THSD7A: variants seen among roughly 807,000 people sequenced by gnomAD.
THSD7A encodes the protein thrombospondin type 1 domain containing 7A.
A neutral mutation model predicts 231.3 loss-of-function variants in THSD7A; 96 were observed. The ratio of observed to expected loss-of-function variants is 0.41; its 90% CI spans 0.35 to 0.49. The LOEUF (loss-of-function observed/expected upper bound fraction) is 0.49. Ranked by LOEUF, THSD7A falls within the 20% of genes least tolerant of loss-of-function variation. THSD7A has a pLI of 0.05. For synonymous variants in THSD7A, 940 were observed against 743.3 expected, an observed-to-expected ratio of 1.26 and a Z score of -4.30; for missense variants, 2,290 against 2,070.2, an observed-to-expected ratio of 1.11 and a Z score of -2.06.
intron 1 of THSD7A, among the ~76,000 whole-genome samples, chr7:11,668,547 A>G (rs905092382): frequency 6.6e-6 from 1 of 151,948 alleles, no homozygotes; most frequent in Non-Finnish European, 1.5e-5. Context: ...GAAAGAGAAG[A>G]AAGAAAGGGA....
At chr7:11,396,882 A>G (rs988208444) in intron 23 of THSD7A, among the ~76,000 whole-genome samples, 7 of 152,350 alleles carry the variant, frequency 4.6e-5, no homozygotes, top group African/African-American at 1.7e-4. Context: ...AAAATCCACA[A>G]TCACATACTG....
intron 27 of THSD7A, among the ~76,000 whole-genome samples, chr7:11,376,213 A>C (rs1348615354): frequency 2.0e-5 from 3 of 152,102 alleles, no homozygotes; most frequent in Non-Finnish European, 4.4e-5. Flanking sequence ...TAATTTATAA[A>C]TTATACATGT....
At chr7:11,766,463 A>AAAAATTATACTCTC (rs1554275360) in intron 1 of THSD7A, among the ~76,000 whole-genome samples, 1 of 152,132 alleles carries the variant, frequency 6.6e-6, no homozygotes, top group African/African-American at 2.4e-5. Context: ...AGGGTATTGA[A>AAAAATTATACTCTC]CCAATATTCT....
At chr7:11,653,874 TAAAAATA>T (rs1425778363) in intron 1 of THSD7A, among the ~76,000 whole-genome samples, 1 of 152,006 alleles carries the variant, frequency 6.6e-6, no homozygotes, top group Non-Finnish European at 1.5e-5. Context: ...AATGTTACTA[TAAAAATA>T]CAATGAAATT....
chr7:11,758,355 A>C (rs929924488), intron 1 of THSD7A, among the ~76,000 whole-genome samples: 1 of 152,084 alleles, frequency 6.6e-6, no homozygotes, highest in South Asian at 2.1e-4. Flanking sequence ...TAACATGTTT[A>C]TTTTCTTAAT....
intron 1 of THSD7A, among the ~76,000 whole-genome samples, chr7:11,678,840 T>C (rs967295461): frequency 2.0e-5 from 3 of 152,226 alleles, no homozygotes; most frequent in Admixed American, 2.0e-4. Context: ...CCCCACTAAC[T>C]CATTTTATGA....
At chr7:11,651,511 CTATCTATCTAT>C (rs1562443949) in intron 1 of THSD7A, among the ~76,000 whole-genome samples, 2 of 151,610 alleles carry the variant, frequency 1.3e-5, no homozygotes, top group African/African-American at 2.4e-5. Flanking sequence ...ATCTATCTAT[CTATCTATCTAT>C]CTAGCACTAC....
At chr7:11,455,042 T>C (rs1785261495) in intron 11 of THSD7A, among the ~76,000 whole-genome samples, 1 of 152,044 alleles carries the variant, frequency 6.6e-6, no homozygotes, top group African/African-American at 2.4e-5. Flanking sequence ...GTGAGGTTCC[T>C]ATGACGGGAT....
At position 11,577,116 on chromosome 7, in the gene THSD7A, G is replaced by A. The variant is rs577243677; in HGVS notation, c.1453+13344C>T. On this transcript the variant is annotated intron_variant, in intron 4 of 27. Transcript: ENST00000423059. ...ACACTATCTACCGCAATATGTTGGG[G>A]ACTTTTCTTACCCCCTTGTTATAGA... Among the ~76,000 whole-genome samples, 37 of 152,172 alleles carry A rather than the reference G, an allele frequency of 2.4e-4. 3 individuals carry two copies. Among genetic ancestry groups the A allele is most frequent in the Admixed American group, 1.9e-3 (29 of 15,272 alleles).
intron 16 of THSD7A, 42 bp downstream of exon 16, chr7:11,424,654 G>A: frequency 6.2e-7 from 1 of 1,610,842 alleles, no homozygotes; most frequent in Non-Finnish European, 8.5e-7. Flanking sequence ...TTGGGAGATA[G>A]TTTTGTGTCT....
intron 13 of THSD7A, among the ~76,000 whole-genome samples, chr7:11,440,996 T>A (rs1260811032): frequency 6.6e-6 from 1 of 152,024 alleles, no homozygotes; most frequent in East Asian, 1.9e-4. Flanking sequence ...CATTACTGTC[T>A]TATTTTAAGA....
chr7:11,522,430 T>G (rs1190717092), intron 6 of THSD7A, among the ~76,000 whole-genome samples: 1 of 152,220 alleles, frequency 6.6e-6, no homozygotes. Flanking sequence ...TCACATACTT[T>G]CATGTTTATA....
At chr7:11,547,599 C>G (rs979943740) in intron 4 of THSD7A, among the ~76,000 whole-genome samples, 2 of 152,260 alleles carry the variant, frequency 1.3e-5, no homozygotes, top group African/African-American at 4.8e-5. Context: ...TATGCTTGAA[C>G]ATAAAGCAAT....
At chr7:11,570,853 T>G (rs575881953) in intron 4 of THSD7A, among the ~76,000 whole-genome samples, 1 of 152,292 alleles carries the variant, frequency 6.6e-6, no homozygotes, top group Non-Finnish European at 1.5e-5. Context: ...CCAGTTGGCA[T>G]GAAATGTGAA....
intron 4 of THSD7A, among the ~76,000 whole-genome samples, chr7:11,573,852 T>C (rs1342535066): frequency 2.6e-5 from 4 of 152,224 alleles, no homozygotes; most frequent in Non-Finnish European, 5.9e-5. Context: ...AAACATTTAC[T>C]GAACACATTA....
intron 13 of THSD7A, among the ~76,000 whole-genome samples, chr7:11,433,155 C>T (rs1192412917): frequency 1.3e-5 from 2 of 151,978 alleles, no homozygotes; most frequent in African/African-American, 4.8e-5. Context: ...AGGAATATTT[C>T]ACAGTAGTGT....
At chr7:11,713,251 G>C (rs1366980812) in intron 1 of THSD7A, among the ~76,000 whole-genome samples, 1 of 151,106 alleles carries the variant, frequency 6.6e-6, no homozygotes, top group Non-Finnish European at 1.5e-5. Flanking sequence ...AAAAAGATAA[G>C]GACTAGAAGT....
At chr7:11,656,549 C>A (rs1782715448) in intron 1 of THSD7A, among the ~76,000 whole-genome samples, 1 of 151,804 alleles carries the variant, frequency 6.6e-6, no homozygotes, top group African/African-American at 2.4e-5. Flanking sequence ...GATAAATACA[C>A]CTTGACTCTA....
At position 11,403,225 on chromosome 7, in the gene THSD7A, G is replaced by C. The variant is rs1490872538; in HGVS notation, c.4238-1257C>G. On this transcript the variant is annotated intron_variant, in intron 22 of 27. Transcript: ENST00000423059. ...CCTTATATTATGCTGAAGGTGACTG[G>C]TATTAGCAGAAAGTTGCCTGGAGAT... is the stretch of plus-strand genomic sequence containing the variant. Among the ~76,000 whole-genome samples the C allele has an allele frequency of 2.0e-5, 3 of 152,096 alleles. No homozygotes were observed. The East Asian group carries it at 5.8e-4, about 29-fold the overall frequency.
Sources: gnomAD v4.1 joint callset for allele counts (sites outside exome capture counted in the v4.1 genomes callset) on GRCh38, gnomAD v4.1.1 for gene constraint, MANE v1.5 for transcripts, NCBI Gene and HGNC (gene_info 2026-07-23, HGNC 2026-07-21) for gene names.